ZBP1: variants seen among roughly 807,000 people sequenced by gnomAD.
The protein encoded by ZBP1 is Z-DNA binding protein 1, also known as Z-DNA-binding protein 1.
A neutral mutation model predicts 41.1 loss-of-function variants in ZBP1; 42 were observed. The ratio of observed to expected loss-of-function variants is 1.02; its 90% CI spans 0.80 to 1.32. The LOEUF (loss-of-function observed/expected upper bound fraction) is 1.32, where lower values mean the gene tolerates loss of function less well. Ranked by LOEUF, ZBP1 falls within the 40% of genes most tolerant of loss-of-function variation. The pLI, the probability that ZBP1 is intolerant of heterozygous loss-of-function variation, is 0.00. For missense variants in ZBP1, 562 were observed against 549.7 expected (o/e 1.02, Z -0.22); for synonymous variants, 214 against 205.2 (o/e 1.04, Z -0.37).
chr20:57,615,493 G>A lies in ZBP1; in HGVS notation c.328+19C>T, dbSNP rs2070796291. ...GGGATCCTGTGTCCCGGGAACTGAA[G>A]GGACATGCAAAAACTTACCCCGTTG... is the stretch of plus-strand genomic sequence containing the variant. On this transcript the variant is annotated intron_variant, in intron 3 of 7. Coordinates refer to ENST00000371173, the MANE Select transcript of ZBP1 (RefSeq NM_030776.3). 1.8e-5 allele frequency: 29 copies of A among 1,612,884 alleles called. No homozygotes were observed. Among genetic ancestry groups the A allele is most frequent in the Non-Finnish European group, 2.3e-5 (27 of 1,179,342 alleles).
chr20:57,615,191 T>C lies in ZBP1; in HGVS notation c.329-131A>G, dbSNP rs891902554. 8.7e-6 allele frequency: 9 copies of C among 1,034,984 alleles called. No homozygotes were observed. In the South Asian group the frequency reaches 1.2e-4, roughly 14 times the overall value. 64.1% of individuals were successfully genotyped at this position (1,034,984 alleles called of 1,614,324 possible). ...TTCCTCATCTGTAAAATGGGTGTCA[T>C]GATAACGGGGTCATCATGACGCACC... On this transcript the variant is annotated intron_variant, in intron 3 of 7. Transcript: ENST00000371173.
At position 57,610,356 on chromosome 20, in the gene ZBP1, C is replaced by T. The variant is rs150518346; in HGVS notation, c.886G>A (p.Ala296Thr). Residue 296 changes from alanine to threonine, a missense_variant, in exon 7 of 8, where the codon GCT (alanine) becomes ACT (threonine). Ala to Thr is a moderately conservative substitution (Grantham distance 58, BLOSUM62 0). Coordinates refer to ENST00000371173, the MANE Select transcript of ZBP1 (RefSeq NM_030776.3). This position sits in a 1 kb window ranked among gnomAD's most constrained non-coding sequence, Gnocchi z 5.5. ...PPGSPPVSAT[A>T]AGPEASFEAR... is the part of the protein sequence containing the mutation. ...TCAAACGAAGCTTCTGGGCCGGCAG[C>T]AGTGGCAGAGACTGTGGGTCAAAGG... The T allele has an allele frequency of 1.6e-5, 26 of 1,614,024 alleles. No individual in the cohort carries two copies. Among genetic ancestry groups the T allele is most frequent in the Non-Finnish European group, 2.2e-5 (26 of 1,180,028 alleles).
At chr20:57,608,268 C>G (rs1438129112) in intron 7 of ZBP1, among the ~76,000 whole-genome samples, 4 of 152,106 alleles carry the variant, frequency 2.6e-5, no homozygotes, top group African/African-American at 9.7e-5. Context: ...ACTACATGTG[C>G]CCGCCACCAT....
Position 57,604,866 on chromosome 20 carries a change from C to A in ZBP1, c.1094-97G>T, listed in dbSNP as rs370676541. On this transcript the variant is annotated intron_variant, in intron 7 of 7. Transcript: ENST00000371173. ...GGAAGGATTTCGAGCTCAGCTTGAG[C>A]CTTTGTTGTTACTGTCTTTAGATTT... is the stretch of plus-strand genomic sequence containing the variant. The A allele has an allele frequency of 1.2e-5, 15 of 1,210,734 alleles. No individual in the cohort carries two copies. In the East Asian group the frequency reaches 2.3e-4, roughly 19 times the overall value. The allele number at this position is 1,210,734 out of a possible 1,614,324, so 75.0% of individuals were successfully genotyped here.
In ZBP1 at chr20:57,613,248, G is replaced by T. The variant is rs114498533; in HGVS notation, c.585C>A (p.Asn195Lys). The part of the protein sequence containing the change: ...PINMICQNGP[N>K]SWISIANSEA... ...CGGAGTTTGCAATGGAAATCCAGCT[G>T]TTGGGTCCATTCTGGCAGATCATGT... The change falls in exon 5 of 8, where the codon AAC (asparagine) becomes AAA (lysine). Residue 195 changes from asparagine (N) to lysine (K), a missense_variant. Coordinates refer to ENST00000371173, the MANE Select transcript of ZBP1 (RefSeq NM_030776.3). The surrounding 1 kb of genome is among the most constrained non-coding windows in gnomAD (Gnocchi z 4.5). The T allele has an allele frequency of 7.1e-4, 1,141 of 1,614,278 alleles. 10 individuals are homozygous for T. In the African/African-American group the frequency reaches 0.014, roughly 19 times the overall value.
At chr20:57,612,264 G>A (rs966162132) in intron 5 of ZBP1, among the ~76,000 whole-genome samples, 2 of 152,066 alleles carry the variant, frequency 1.3e-5, no homozygotes, top group African/African-American at 4.8e-5. Context: ...AAGGCTCAGA[G>A]CCTCCCGCAG....
intron 5 of ZBP1, chr20:57,612,907 A>C: frequency 7.5e-7 from 1 of 1,339,962 alleles, no homozygotes; most frequent in Non-Finnish European, 9.5e-7. Context: ...TTAAAATTTT[A>C]TTAGAAAAAT....
chr20:57,616,637 T>C (rs2070841603), intron 1 of ZBP1, 169 bp from the exon 2 acceptor site: 2 of 655,714 alleles, frequency 3.1e-6, no homozygotes, highest in African/African-American at 3.6e-5. Flanking sequence ...GTAGGGCAGC[T>C]GCATCTGCCC....
chr20:57,612,258 C>T (rs2070695228), intron 5 of ZBP1, among the ~76,000 whole-genome samples: 1 of 152,130 alleles, frequency 6.6e-6, no homozygotes, highest in Non-Finnish European at 1.5e-5. Flanking sequence ...ACACCAAAGG[C>T]TCAGAGCCTC....
At chr20:57,615,463 GGA>G in intron 3 of ZBP1, 47 bp downstream of exon 3, 1 of 1,593,458 alleles carries the variant, frequency 6.3e-7, no homozygotes, top group Non-Finnish European at 8.6e-7. Flanking sequence ...GGGTTCCTGG[GGA>G]GTGGGATCCT....
At position 57,616,448 on chromosome 20, in the gene ZBP1, G is replaced by A; in HGVS notation, c.55C>T (p.Leu19=). 1 of 1,613,740 alleles carries A rather than the reference G, an allele frequency of 6.2e-7. No homozygotes were observed. Among genetic ancestry groups the A allele is most frequent in the Non-Finnish European group, 8.5e-7 (1 of 1,179,970 alleles). ...GREGHLEQRI[L]QVLTEAGSPV... The stretch of plus-strand genomic sequence containing the variant: ...GAGCCAGCCTCTGTCAGCACCTGCA[G>A]GATTCTTTGTTCAAGGTGGCCTGGG... The change falls in exon 2 of 8, where the codon CTG becomes TTG. Residue 19 remains leucine, a synonymous_variant. Coordinates refer to ENST00000371173, the MANE Select transcript of ZBP1 (RefSeq NM_030776.3).
In ZBP1 at chr20:57,613,014, G is replaced by A. The variant is rs1014989427; in HGVS notation, c.670+149C>T. ...AGGTGTCCTCATTCTCAGGACGGCC[G>A]TAAAGGTGGACTGTGGGGGTCTGGA... is the stretch of plus-strand genomic sequence containing the variant. On this transcript the variant is annotated intron_variant, in intron 5 of 7. Coordinates refer to ENST00000371173, the MANE Select transcript of ZBP1 (RefSeq NM_030776.3). This position sits in a 1 kb window ranked among gnomAD's most constrained non-coding sequence, Gnocchi z 4.5. 6.6e-5 allele frequency: 99 copies of A among 1,491,804 alleles called. 1 individual carries two copies. In the East Asian group the frequency reaches 1.1e-3, roughly 16 times the overall value. 92.4% of individuals were successfully genotyped at this position (1,491,804 alleles called of 1,614,324 possible).
chr20:57,617,723 A>C (rs923201851), intron 1 of ZBP1: 5 of 152,230 alleles, frequency 3.3e-5, no homozygotes, highest in Non-Finnish European at 7.3e-5. Context: ...GGTAGGTACG[A>C]TGGCATATGC....
chr20:57,617,475 T>G (rs1323785788), intron 1 of ZBP1: 1 of 152,416 alleles, frequency 6.6e-6, no homozygotes, highest in Non-Finnish European at 1.5e-5. Flanking sequence ...CTCACTGTTG[T>G]ACCTTCAGCA....
At chr20:57,614,358 G>C (rs1372714303) in intron 4 of ZBP1, among the ~76,000 whole-genome samples, 1 of 152,070 alleles carries the variant, frequency 6.6e-6, no homozygotes, top group Admixed American at 6.5e-5. Context: ...TATTATTGTA[G>C]TATTCATTTC....
At position 57,611,921 on chromosome 20, in the gene ZBP1, C is replaced by T; in HGVS notation, c.680G>A (p.Gly227Asp). Residue 227 changes from glycine to aspartate, a missense_variant, in exon 6 of 8, where the codon GGT becomes GAT. Gly to Asp is a moderately conservative substitution (Grantham distance 94). Coordinates refer to ENST00000371173, the MANE Select transcript of ZBP1 (RefSeq NM_030776.3). ...QTVSREDGSA[G>D]PRHLPSMAPG... ...TGCCATTGAAGGGAGGTGGCGTGGA[C>T]CGGCGGAACCTGGCAGGGGACAGTG... 1 of 1,557,176 alleles carries T rather than the reference C, an allele frequency of 6.4e-7. No individual in the cohort carries two copies. Among genetic ancestry groups the T allele is most frequent in the Non-Finnish European group, 8.7e-7 (1 of 1,149,846 alleles).
In ZBP1 at chr20:57,610,280, C is replaced by A. The variant is rs1166722139; in HGVS notation, c.962G>T (p.Arg321Ile). ...GAGAAAGCACGATTTCATGTGGATTCTCTGGGCGGCTTCCCCCTCAGGGTG... is the reference window on the plus strand; with the variant it reads ...GAGAAAGCACGATTTCATGTGGATTATCTGGGCGGCTTCCCCCTCAGGGTG... The part of the protein sequence containing the change: ...GTHPEGEAAQ[R>I]IHMKSCFLED... The change falls in exon 7 of 8, where the codon AGA (arginine) becomes ATA (isoleucine). Residue 321 changes from arginine (R) to isoleucine (I), a missense_variant. By Grantham distance (97) the Arg-to-Ile change is moderately conservative. Transcript: ENST00000371173. This position sits in a 1 kb window ranked among gnomAD's most constrained non-coding sequence, Gnocchi z 5.5. 3.1e-6 allele frequency: 5 copies of A among 1,614,180 alleles called. No individual in the cohort carries two copies. The highest frequency in any genetic ancestry group is 1.3e-5 in the African/African-American group (1 of 75,042).
chr20:57,607,030 G>C, intron 7 of ZBP1: 1 of 1,285,270 alleles, frequency 7.8e-7, no homozygotes. Context: ...TGCAGCCCAT[G>C]GATTAAGGAG....
At chr20:57,614,738 C>T in intron 4 of ZBP1, 149 bp downstream of exon 4, 1 of 1,078,200 alleles carries the variant, frequency 9.3e-7, no homozygotes, top group Non-Finnish European at 1.3e-6. Context: ...ACCCCTTCCT[C>T]CTGGAAGCCC....
Sources: allele counts gnomAD v4.1 joint callset (sites outside exome capture counted in the v4.1 genomes callset), GRCh38; gene constraint gnomAD v4.1.1; non-coding constraint Gnocchi (gnomAD v3.1); transcripts MANE v1.5; gene names NCBI Gene and HGNC (gene_info 2026-07-23, HGNC 2026-07-21).